The following PTPRE variants were observed in gnomAD, a reference collection of about 807,000 sequenced individuals.
The protein encoded by PTPRE is receptor-type tyrosine-protein phosphatase epsilon.
A neutral mutation model predicts 102.0 loss-of-function variants in PTPRE; 51 were observed. That is an observed-to-expected ratio of 0.50 (90% CI 0.40 to 0.63). The LOEUF (loss-of-function observed/expected upper bound fraction) is 0.63, where lower values mean the gene tolerates loss of function less well. Among genes scored for constraint, PTPRE ranks in the 30% least tolerant of loss-of-function variants. PTPRE has a pLI of 0.00. For missense variants in PTPRE, 752 were observed against 915.1 expected, an observed-to-expected ratio of 0.82 and a Z score of 2.30; for synonymous variants, 345 against 348.2, an observed-to-expected ratio of 0.99 and a Z score of 0.10.
At chr10:127,961,546 T>G (rs1216062601) in intron 1 of PTPRE, among the ~76,000 whole-genome samples, 1 of 152,112 alleles carries the variant, frequency 6.6e-6, no homozygotes, top group Non-Finnish European at 1.5e-5. Context: ...GAGAATGAAC[T>G]GATGCTGGCA....
chr10:127,917,101 A>G (rs560087992), intron 1 of PTPRE, among the ~76,000 whole-genome samples: 13 of 151,988 alleles, frequency 8.6e-5, no homozygotes, highest in African/African-American at 2.9e-4. Context: ...AGGCAACATG[A>G]CCATGTGGGT....
At chr10:127,960,294 G>A (rs1849698621) in intron 1 of PTPRE, among the ~76,000 whole-genome samples, 1 of 152,244 alleles carries the variant, frequency 6.6e-6, no homozygotes, top group Admixed American at 6.5e-5. Context: ...CAGACACCCA[G>A]CAAGTGAGCG....
chr10:127,966,719 C>G (rs891796492), intron 1 of PTPRE, among the ~76,000 whole-genome samples: 1 of 152,178 alleles, frequency 6.6e-6, no homozygotes, highest in Non-Finnish European at 1.5e-5. Context: ...GTTGAGGTAA[C>G]TGCCCAGGCT....
intron 2 of PTPRE, among the ~76,000 whole-genome samples, chr10:128,012,109 G>C (rs145862191): frequency 6.6e-6 from 1 of 152,036 alleles, no homozygotes; most frequent in Admixed American, 6.5e-5. Flanking sequence ...AGAGTGACAA[G>C]ATTGTGAGCC....
At chr10:128,023,384 T>C (rs1405152821) in intron 2 of PTPRE, among the ~76,000 whole-genome samples, 3 of 152,054 alleles carry the variant, frequency 2.0e-5, no homozygotes, top group South Asian at 2.1e-4. Flanking sequence ...GGAAAAAGCA[T>C]AGTATATATA....
At chr10:128,034,278 T>C (rs1847014902) in intron 2 of PTPRE, among the ~76,000 whole-genome samples, 1 of 152,004 alleles carries the variant, frequency 6.6e-6, no homozygotes, top group Non-Finnish European at 1.5e-5. Flanking sequence ...AAATATATTA[T>C]GGGAGGATTC....
intron 16 of PTPRE, 98 bp downstream of exon 16, chr10:128,072,312 C>A (rs1002970183): frequency 4.4e-6 from 5 of 1,133,796 alleles, no homozygotes; most frequent in African/African-American, 3.2e-5. Flanking sequence ...AAAGAATTGA[C>A]ATGTTTCCAG....
rs1851918579 is a variant in PTPRE at position 128,084,027 on chromosome 10, AAAAGAG to A, written c.*1125_*1130del. On this transcript the variant is annotated 3_prime_UTR_variant, in exon 21 of 21. Transcript: ENST00000254667. ...CCACCTTTCAATGTTTAATAAAACA[AAAAGAG>A]AAATCCTTAATCTAAAAGCTAAATT... 1 of 136,840 alleles carries A rather than the reference AAAAGAG, an allele frequency of 7.3e-6. No individual in the cohort carries two copies. Among genetic ancestry groups the A allele is most frequent in the Non-Finnish European group, 1.7e-5 (1 of 60,544 alleles). The allele number at this position is 136,840 out of a possible 1,614,324, so 8.5% of individuals were successfully genotyped here.
intron 17 of PTPRE, among the ~76,000 whole-genome samples, chr10:128,075,118 G>A (rs1851116554): frequency 6.6e-6 from 1 of 152,102 alleles, no homozygotes; most frequent in African/African-American, 2.4e-5. Flanking sequence ...TTGTGCTTTT[G>A]ATATTCTATG....
intron 2 of PTPRE, chr10:127,999,473 T>C: frequency 1.1e-6 from 1 of 922,034 alleles, no homozygotes; most frequent in Non-Finnish European, 1.3e-6. Flanking sequence ...TGAATCCAAC[T>C]CGTCCTGGGA....
chr10:127,955,190 G>A (rs1048812226), intron 1 of PTPRE, among the ~76,000 whole-genome samples: 1 of 152,092 alleles, frequency 6.6e-6, no homozygotes, highest in African/African-American at 2.4e-5. Flanking sequence ...AATCTAGGCA[G>A]GACAAGTAAT....
At position 128,078,967 on chromosome 10, in the gene PTPRE, A is replaced by G. The variant is rs1590254525; in HGVS notation, c.1893-593A>G. Among the ~76,000 whole-genome samples, 3 of 152,272 alleles carry G rather than the reference A, an allele frequency of 2.0e-5. No individual in the cohort carries two copies. In the East Asian group the frequency reaches 5.8e-4, roughly 29 times the overall value. On this transcript the variant is annotated intron_variant, in intron 19 of 20. Transcript: ENST00000254667. ...CCCAGTACACCTGGGCTCTCCTACGAGGGCCTGGGCTCTGCTCTTGTGGGG... is the reference window on the plus strand; with the variant it reads ...CCCAGTACACCTGGGCTCTCCTACGGGGGCCTGGGCTCTGCTCTTGTGGGG...
intron 6 of PTPRE, among the ~76,000 whole-genome samples, chr10:128,053,650 T>A (rs1046556367): frequency 2.0e-5 from 3 of 152,240 alleles, no homozygotes; most frequent in Non-Finnish European, 4.4e-5. Context: ...ATCTCCATGG[T>A]CTGGATCTCT....
rs536116028 is a variant in PTPRE, at chr10:128,076,480, G to A, written c.1600-123G>A. The stretch of plus-strand genomic sequence containing the variant: ...CAGGCATTTATATTCATATTCATAT[G>A]TTTTTTTTTTTGGTCAGATGAAATA... On this transcript the variant is annotated intron_variant, in intron 17 of 20. Transcript: ENST00000254667. 15 of 798,304 alleles carry A rather than the reference G, an allele frequency of 1.9e-5. No individual in the cohort carries two copies. The African/African-American group carries it at 2.7e-4, about 15-fold the overall frequency. The allele number at this position is 798,304 out of a possible 1,614,324, so 49.5% of individuals were successfully genotyped here. A position where few individuals can be genotyped will look rare whatever the true frequency, so the allele number is the denominator to read the frequency against.
intron 2 of PTPRE, among the ~76,000 whole-genome samples, chr10:128,025,752 A>C (rs1269115568): frequency 6.6e-6 from 1 of 152,180 alleles, no homozygotes; most frequent in South Asian, 2.1e-4. Flanking sequence ...GGACTTTGCC[A>C]CCAGGACCTG....
intron 2 of PTPRE, among the ~76,000 whole-genome samples, chr10:127,986,097 T>A (rs894612085): frequency 1.3e-5 from 2 of 151,500 alleles, no homozygotes; most frequent in African/African-American, 4.8e-5. Flanking sequence ...TCTCAAAAAT[T>A]AAAAAAAAAT....
At chr10:127,959,789 C>G (rs573166827) in intron 1 of PTPRE, among the ~76,000 whole-genome samples, 1 of 152,300 alleles carries the variant, frequency 6.6e-6, no homozygotes, top group African/African-American at 2.4e-5. Context: ...TCTCCTTTCC[C>G]TGACTGTAAA....
At chr10:128,051,199 G>A (rs1848537568) in intron 6 of PTPRE, among the ~76,000 whole-genome samples, 1 of 152,198 alleles carries the variant, frequency 6.6e-6, no homozygotes, top group Non-Finnish European at 1.5e-5. Flanking sequence ...GGCTGGGCTT[G>A]CTGATGGGGG....
rs146670049 is a variant in PTPRE at position 128,028,202 on chromosome 10, G to T, written c.-7-12673G>T. The stretch of plus-strand genomic sequence containing the variant: ...AAAGGAGGTTAGCCATGTTTGTCAG[G>T]CTCAGGGAGAAGTGAGGAGGCCTCC... On this transcript the variant is annotated intron_variant, in intron 2 of 20. Coordinates refer to ENST00000254667, the MANE Select transcript of PTPRE (RefSeq NM_006504.6). This position sits in a 1 kb window ranked among gnomAD's most constrained non-coding sequence, Gnocchi z 4.5. 6.5e-3 allele frequency among the ~76,000 whole-genome samples: 991 copies of T among 152,294 alleles called. 7 individuals carry two copies. Among genetic ancestry groups the T allele is most frequent in the Non-Finnish European group, 1.0e-2 (680 of 68,022 alleles).
Sources: gnomAD v4.1 joint callset for allele counts (sites outside exome capture counted in the v4.1 genomes callset) on GRCh38, gnomAD v4.1.1 for gene constraint, Gnocchi (gnomAD v3.1) non-coding constraint, MANE v1.5 for transcripts, NCBI Gene and HGNC (gene_info 2026-07-23, HGNC 2026-07-21) for gene names.